Variants in GPR15LG observed in about 807,000 individuals in gnomAD.
The protein encoded by GPR15LG is G protein-coupled receptor 15 ligand.
the GPR15LG span, among the ~76,000 whole-genome samples, chr10:84,174,698 G>A: frequency 6.6e-6 from 1 of 151,816 alleles, no homozygotes; most frequent in African/African-American, 2.4e-5. Flanking sequence ...CACCATCTTG[G>A]CCAGGCTGGT....
chr10:84,179,032 C>T, the GPR15LG span, among the ~76,000 whole-genome samples: 1 of 152,192 alleles, frequency 6.6e-6, no homozygotes, highest in African/African-American at 2.4e-5. Context: ...ACTGCTTCCC[C>T]TGTGGACAGA....
chr10:84,184,556 AAT>A, the GPR15LG span: 1,983 of 1,027,914 alleles, frequency 1.9e-3, 5 homozygotes, highest in Admixed American at 3.2e-3. Flanking sequence ...CTTGCTTTGA[AAT>A]TTTTTTTTAA....
the GPR15LG span, chr10:84,184,845 T>C: frequency 5.7e-6 from 9 of 1,586,034 alleles, no homozygotes; most frequent in Non-Finnish European, 7.7e-6. Context: ...CTGTCTCCCC[T>C]TTCAGCCTTC....
the GPR15LG span, among the ~76,000 whole-genome samples, chr10:84,177,431 T>C: frequency 6.6e-6 from 1 of 152,158 alleles, no homozygotes; most frequent in Non-Finnish European, 1.5e-5. Flanking sequence ...GCCTGAACTC[T>C]GCAGCCCCAG....
At chr10:84,178,645 G>A in the GPR15LG span, among the ~76,000 whole-genome samples, 1 of 151,842 alleles carries the variant, frequency 6.6e-6, no homozygotes, top group African/African-American at 2.4e-5. Flanking sequence ...CACACAGATG[G>A]ACAGATATAC....
the GPR15LG span, chr10:84,184,550 C>T: frequency 2.0e-6 from 2 of 981,124 alleles, no homozygotes; most frequent in East Asian, 4.8e-5. Context: ...CTAATTCTTG[C>T]TTTGAAATTT....
At chr10:84,175,273 A>G in the GPR15LG span, among the ~76,000 whole-genome samples, 1 of 152,222 alleles carries the variant, frequency 6.6e-6, no homozygotes, top group African/African-American at 2.4e-5. Flanking sequence ...AGCCCGTGAC[A>G]TGCAATTTAT....
At chr10:84,177,305 A>C in the GPR15LG span, among the ~76,000 whole-genome samples, 1 of 152,206 alleles carries the variant, frequency 6.6e-6, no homozygotes, top group Non-Finnish European at 1.5e-5. Flanking sequence ...TATTCACTGG[A>C]GTTGCCCAGC....
At chr10:84,181,679 C>T in the GPR15LG span, among the ~76,000 whole-genome samples, 6 of 151,594 alleles carry the variant, frequency 4.0e-5, no homozygotes, top group Non-Finnish European at 8.8e-5. Flanking sequence ...CCTTGGCCTC[C>T]CAAAGTGCTA....
chr10:84,183,401 A>G, the GPR15LG span, among the ~76,000 whole-genome samples: 1 of 152,238 alleles, frequency 6.6e-6, no homozygotes, highest in Admixed American at 6.5e-5. Context: ...AAACAGAAGG[A>G]GAAAGAATAA....
chr10:84,174,176 T>C, the GPR15LG span, among the ~76,000 whole-genome samples: 1 of 152,236 alleles, frequency 6.6e-6, no homozygotes, highest in Admixed American at 6.5e-5. Context: ...GTGTTCGCCA[T>C]GCAAACACAC....
chr10:84,179,774 G>A, the GPR15LG span, among the ~76,000 whole-genome samples: 58 of 152,114 alleles, frequency 3.8e-4, no homozygotes, highest in African/African-American at 1.4e-3. Flanking sequence ...TATGTGGAAG[G>A]CCCAGGACTC....
At chr10:84,184,879 AGGGCTTCATCTC>A in the GPR15LG span, 1 of 1,525,522 alleles carries the variant, frequency 6.6e-7, no homozygotes, top group Non-Finnish European at 8.7e-7. Flanking sequence ...GCAATGTTGG[AGGGCTTCATCTC>A]GGGCTGCAAG....
At chr10:84,174,039 C>G in the GPR15LG span, 1 of 788,886 alleles carries the variant, frequency 1.3e-6, no homozygotes, top group East Asian at 2.4e-5. Flanking sequence ...CAGTCCTGAG[C>G]CCCGGAAAGA....
chr10:84,179,504 G>A, the GPR15LG span, among the ~76,000 whole-genome samples: 1 of 152,224 alleles, frequency 6.6e-6, no homozygotes, highest in African/African-American at 2.4e-5. Context: ...AGGGTGTTGT[G>A]TAAGCAACGC....
chr10:84,174,487 CT>C, the GPR15LG span, among the ~76,000 whole-genome samples: 94 of 108,854 alleles, frequency 8.6e-4, 1 homozygote, highest in Non-Finnish European at 1.5e-3. Flanking sequence ...GCCCTTTTTT[CT>C]TTTTTCTTTT....
At chr10:84,177,915 T>G in the GPR15LG span, among the ~76,000 whole-genome samples, 3 of 151,448 alleles carry the variant, frequency 2.0e-5, no homozygotes, top group Admixed American at 6.6e-5. Flanking sequence ...GTTGAGGGGG[T>G]GTGTGAGCCC....
chr10:84,183,100 A>G, the GPR15LG span, among the ~76,000 whole-genome samples: 12 of 152,130 alleles, frequency 7.9e-5, no homozygotes, highest in African/African-American at 2.4e-4. Flanking sequence ...GATGAATTAT[A>G]ATTAAATTTA....
At chr10:84,176,905 G>A in the GPR15LG span, among the ~76,000 whole-genome samples, 1 of 152,132 alleles carries the variant, frequency 6.6e-6, no homozygotes, top group Non-Finnish European at 1.5e-5. Context: ...CTGTGGAGGT[G>A]GGGGATGCAG....
Sources: gnomAD v4.1 joint callset for allele counts (sites outside exome capture counted in the v4.1 genomes callset) on GRCh38, gnomAD v4.1.1 for gene constraint, MANE v1.5 for transcripts, NCBI Gene and HGNC (gene_info 2026-07-23, HGNC 2026-07-21) for gene names.